LRSAM1: variants seen among roughly 807,000 people sequenced by gnomAD.
LRSAM1 encodes the protein E3 ubiquitin-protein ligase LRSAM1.
LRSAM1 carries 96 observed loss-of-function variants against 118.1 expected under a neutral mutation model. The ratio of observed to expected loss-of-function variants is 0.81; its 90% CI spans 0.69 to 0.96. LRSAM1 has a LOEUF of 0.96. LRSAM1 is among the 40% of genes least tolerant of loss of function. The pLI is 0.00. For synonymous variants in LRSAM1, 322 were observed against 364.2 expected, an observed-to-expected ratio of 0.88 and a Z score of 1.32; for missense variants, 804 against 915.5, an observed-to-expected ratio of 0.88 and a Z score of 1.57.
At chr9:127,483,955 C>G (rs1272925920) in intron 16 of LRSAM1, among the ~76,000 whole-genome samples, 1 of 152,164 alleles carries the variant, frequency 6.6e-6, no homozygotes, top group African/African-American at 2.4e-5. Context: ...AGCCACCGTG[C>G]CTGGTCTTCA....
intron 24 of LRSAM1, among the ~76,000 whole-genome samples, chr9:127,498,851 G>T (rs1836257192): frequency 6.6e-6 from 1 of 152,054 alleles, no homozygotes; most frequent in African/African-American, 2.4e-5. Context: ...CTGAGGTCAG[G>T]AGTTCGAGAC....
chr9:127,487,366 G>A (rs558498765), intron 17 of LRSAM1: 1 of 368,556 alleles, frequency 2.7e-6, no homozygotes, highest in South Asian at 2.2e-5. Flanking sequence ...CCCCACCCAT[G>A]GAGGTGGCTG....
At chr9:127,453,271 G>T (rs895089281) in intron 2 of LRSAM1, among the ~76,000 whole-genome samples, 2 of 152,040 alleles carry the variant, frequency 1.3e-5, no homozygotes, top group African/African-American at 4.8e-5. Context: ...TAGTAGAGAC[G>T]GGGTTTGACC....
chr9:127,500,151 A>G (rs926071883), intron 24 of LRSAM1, among the ~76,000 whole-genome samples: 115 of 50,910 alleles, frequency 2.3e-3, no homozygotes, highest in African/African-American at 6.8e-3. Flanking sequence ...ACCTGAAGTC[A>G]AAAGCTTGAG....
intron 9 of LRSAM1, among the ~76,000 whole-genome samples, chr9:127,467,281 G>C (rs1053460121): frequency 5.3e-5 from 8 of 152,182 alleles, no homozygotes; most frequent in African/African-American, 1.9e-4. Flanking sequence ...AACAGTTCCA[G>C]GTGCAGGGGC....
At chr9:127,455,076 G>T in intron 4 of LRSAM1, 22 bp downstream of exon 4, 3 of 1,612,312 alleles carry the variant, frequency 1.9e-6, no homozygotes, top group South Asian at 2.2e-5. Flanking sequence ...ATAGTGTTGG[G>T]CTGTGAATTG....
At chr9:127,456,378 C>T (rs999284066) in intron 5 of LRSAM1, among the ~76,000 whole-genome samples, 29 of 147,944 alleles carry the variant, frequency 2.0e-4, no homozygotes, top group Non-Finnish European at 3.9e-4. Context: ...GGATTATAGG[C>T]GCCCACCACC....
rs1306315843 is a variant in LRSAM1, at chr9:127,451,526, T to A, written c.-332T>A. 6.6e-6 allele frequency: 4 copies of A among 608,516 alleles called. No homozygotes were observed. Among genetic ancestry groups the A allele is most frequent in the Non-Finnish European group, 1.2e-5 (4 of 347,114 alleles). 37.7% of individuals were successfully genotyped at this position (608,516 alleles called of 1,614,324 possible). A position where few individuals can be genotyped will look rare whatever the true frequency, so the allele number is the denominator to read the frequency against. On this transcript the variant is annotated 5_prime_UTR_variant, in exon 1 of 26. Coordinates refer to ENST00000300417, the MANE Select transcript of LRSAM1 (RefSeq NM_001005373.4). The stretch of plus-strand genomic sequence containing the variant: ...GCCATGTTTGTTGTGGGCAGGCGCC[T>A]GAGGCTGACGGCTGGCAAGCAGGGC...
At chr9:127,477,541 G>C (rs769178539) in intron 11 of LRSAM1, among the ~76,000 whole-genome samples, 29 of 151,282 alleles carry the variant, frequency 1.9e-4, no homozygotes, top group Admixed American at 1.2e-3. Context: ...TTGAGCTCAG[G>C]AGTTTGAGAC....
intron 24 of LRSAM1, among the ~76,000 whole-genome samples, chr9:127,497,706 T>C (rs1836206803): frequency 6.6e-6 from 1 of 152,162 alleles, no homozygotes; most frequent in African/African-American, 2.4e-5. Context: ...ATGCTGGGCC[T>C]GAGGCATGCC....
Position 127,462,233 on chromosome 9 carries a change from G to A in LRSAM1, c.407-19G>A, listed in dbSNP as rs758382647. 2 of 1,613,838 alleles carry A rather than the reference G, an allele frequency of 1.2e-6. No homozygotes were observed. Among genetic ancestry groups the A allele is most frequent in the South Asian group, 2.2e-5 (2 of 91,082 alleles). ...ATGGGGATTTGGGGTGTTGAGCTGT[G>A]CTATTGGGGTCTCTGCAGACAACAA... is the stretch of plus-strand genomic sequence containing the variant. On this transcript the variant is annotated intron_variant, in intron 8 of 25. Transcript: ENST00000300417.
Position 127,485,779 on chromosome 9 carries a change from C to T in LRSAM1, c.1203C>T (p.Leu401=), listed in dbSNP as rs774735924. ...TGACTGAGAGCTGTAAGAACCGGCT[C>T]ATCCAGATGGCCTACGAATCTCAGA... The part of the protein sequence containing the change: ...QMLTESCKNR[L]IQMAYESQRQ... Residue 401 remains leucine, a synonymous_variant, in exon 17 of 26, where the codon CTC becomes CTT. Coordinates refer to ENST00000300417, the MANE Select transcript of LRSAM1 (RefSeq NM_001005373.4). The T allele has an allele frequency of 2.6e-5, 42 of 1,614,034 alleles. No individual in the cohort carries two copies. Among genetic ancestry groups the T allele is most frequent in the Middle Eastern group, 3.3e-4 (2 of 6,084 alleles).
chr9:127,487,845 A>T, intron 18 of LRSAM1, 82 bp downstream of exon 18: 3 of 1,190,758 alleles, frequency 2.5e-6, no homozygotes, highest in Non-Finnish European at 3.6e-6. Flanking sequence ...CTCCACACGG[A>T]GCCCTTCCTA....
rs202146452 is a variant in LRSAM1 at position 127,458,986 on chromosome 9, G to A, written c.253-17G>A. 1.9e-6 allele frequency: 3 copies of A among 1,613,196 alleles called. No homozygotes were observed. Among genetic ancestry groups the A allele is most frequent in the East Asian group, 2.2e-5 (1 of 44,868 alleles). On this transcript the variant is annotated splice_polypyrimidine_tract_variant and intron_variant, in intron 6 of 25. Coordinates refer to ENST00000300417, the MANE Select transcript of LRSAM1 (RefSeq NM_001005373.4). ...GACTTTCTCACTTGGAGACTCACAG[G>A]GGTCTTTCTTCTGCAGGTTCTAGAT...
intron 25 of LRSAM1, 79 bp from the exon 26 acceptor site, chr9:127,502,686 CAAAAAAAAA>C (rs71380066): frequency 1.6e-5 from 14 of 897,738 alleles, no homozygotes; most frequent in East Asian, 4.8e-5. Flanking sequence ...GACTCTGTCT[CAAAAAAAAA>C]AAAAAAAAAA....
rs58140930 is a variant in LRSAM1, at chr9:127,460,847, C to CTTTTTTTTTTTTTT, written c.322-313_322-300dup. On this transcript the variant is annotated intron_variant, in intron 7 of 25. Coordinates refer to ENST00000300417, the MANE Select transcript of LRSAM1 (RefSeq NM_001005373.4). ...TCGTGTCACCTCTTCCTGTTTCTTT[C>CTTTTTTTTTTTTTT]TTTTTTTTTTTTTTTTTTTTTTTTT... Among the ~76,000 whole-genome samples the CTTTTTTTTTTTTTT allele has an allele frequency of 7.7e-5, 6 of 77,426 alleles. 1 individual carries two copies. Among genetic ancestry groups the CTTTTTTTTTTTTTT allele is most frequent in the East Asian group, 4.0e-4 (1 of 2,474 alleles). 50.8% of individuals were successfully genotyped at this position (77,426 alleles called of 152,430 possible).
At chr9:127,493,903 G>A (rs1393133976) in intron 21 of LRSAM1, among the ~76,000 whole-genome samples, 2 of 152,232 alleles carry the variant, frequency 1.3e-5, no homozygotes, top group African/African-American at 4.8e-5. Context: ...CTGCGTCCTA[G>A]GCCGGGTCCT....
chr9:127,457,502 A>G (rs1834564234), intron 6 of LRSAM1, 109 bp downstream of exon 6: 1 of 969,464 alleles, frequency 1.0e-6, no homozygotes. Context: ...GGCCCAATCT[A>G]CCAGTCAGTC....
chr9:127,463,231 G>A (rs1834815576), intron 9 of LRSAM1, among the ~76,000 whole-genome samples: 1 of 149,344 alleles, frequency 6.7e-6, no homozygotes, highest in Non-Finnish European at 1.5e-5. Flanking sequence ...ATTCTGAGCA[G>A]ACCTGGATAA....
Sources: gnomAD v4.1 joint callset for allele counts (sites outside exome capture counted in the v4.1 genomes callset) on GRCh38, gnomAD v4.1.1 for gene constraint, MANE v1.5 for transcripts, NCBI Gene and HGNC (gene_info 2026-07-23, HGNC 2026-07-21) for gene names.